Variants in C7 observed in about 807,000 individuals in gnomAD.
C7 encodes complement component C7.
In C7, 83 loss-of-function variants were observed where a neutral mutation model predicts 104.8. The observed-to-expected ratio is 0.79, with a 90% CI of 0.66 to 0.95. The LOEUF (loss-of-function observed/expected upper bound fraction) is 0.95. Among genes scored for constraint, C7 ranks in the 40% least tolerant of loss-of-function variants. The probability of loss-of-function intolerance (pLI) is 0.00; values close to 1 mark genes in which losing one functional copy is unlikely to be tolerated. For synonymous variants in C7, 415 were observed against 360.6 expected (o/e 1.15, Z -1.71); for missense variants, 1,070 against 1,011.2 (o/e 1.06, Z -0.79).
At position 40,979,782 on chromosome 5, in the gene C7, A is replaced by T; in HGVS notation, c.2223A>T (p.Thr741=). 6.2e-7 allele frequency: 1 copy of T among 1,613,750 alleles called. No individual in the cohort carries two copies. Among genetic ancestry groups the T allele is most frequent in the Non-Finnish European group, 8.5e-7 (1 of 1,179,710 alleles). ...GAAGCAAAAGGATACTGCCTCTGAC[A>T]GTTTGCAAGATGCATGTTCTCCACT... is the stretch of plus-strand genomic sequence containing the variant. ...DERSKRILPL[T]VCKMHVLHCQ... is the part of the protein sequence containing the mutation. Residue 741 remains threonine, a synonymous_variant, in exon 17 of 18, where the codon ACA becomes ACT. Coordinates refer to ENST00000313164, the MANE Select transcript of C7 (RefSeq NM_000587.4).
At chr5:40,941,832 A>G (rs1313696198) in intron 6 of C7, among the ~76,000 whole-genome samples, 4 of 152,216 alleles carry the variant, frequency 2.6e-5, no homozygotes, top group Admixed American at 1.3e-4. Flanking sequence ...AGTGCTCAGG[A>G]GAAAGTGTTT....
At chr5:40,937,476 T>G (rs1398920791) in intron 5 of C7, 76 bp from the exon 6 acceptor site, 5 of 1,483,644 alleles carry the variant, frequency 3.4e-6, no homozygotes, top group Non-Finnish European at 4.5e-6. Flanking sequence ...GTAATAAACT[T>G]TTTTCCCCAC....
chr5:40,968,652 C>A (rs1200297962), intron 14 of C7, among the ~76,000 whole-genome samples: 8 of 111,974 alleles, frequency 7.1e-5, no homozygotes, highest in Admixed American at 1.2e-4. Context: ...ACTCCTGTCA[C>A]CCATGCTGAA....
Position 40,928,364 on chromosome 5 carries a change from T to A in C7, c.7-216T>A, listed in dbSNP as rs547623953. Among the ~76,000 whole-genome samples the A allele has an allele frequency of 1.3e-5, 2 of 152,274 alleles. 1 individual carries two copies. Among genetic ancestry groups the A allele is most frequent in the East Asian group, 3.9e-4 (2 of 5,184 alleles). On this transcript the variant is annotated intron_variant, in intron 1 of 17. Coordinates refer to ENST00000313164, the MANE Select transcript of C7 (RefSeq NM_000587.4). ...AATTGGGGTATCATACATTTCAAAA[T>A]TGCCAAAAGTAAATTTCAAATTTCT...
chr5:40,932,038 G>A (rs1739695986), intron 3 of C7, among the ~76,000 whole-genome samples: 1 of 152,186 alleles, frequency 6.6e-6, no homozygotes, highest in Non-Finnish European at 1.5e-5. Flanking sequence ...GATTACAGGT[G>A]TGAGCCACTG....
chr5:40,967,563 G>T, intron 14 of C7: 1 of 165,624 alleles, frequency 6.0e-6, no homozygotes. Flanking sequence ...CTTCTACACA[G>T]GTCTAAGCAA....
rs1741023404 is a variant in C7 at position 40,984,546 on chromosome 5, T to C, written c.*2973T>C. On this transcript the variant is annotated 3_prime_UTR_variant, in exon 18 of 18. Coordinates refer to ENST00000313164, the MANE Select transcript of C7 (RefSeq NM_000587.4). ...AAACAGCCTAGTATGTGTCCATTTA[T>C]GTGCCCGGCTTATTATGTGTCCACT... Among the ~76,000 whole-genome samples the C allele has an allele frequency of 6.6e-6, 1 of 152,234 alleles. No individual in the cohort carries two copies. Among genetic ancestry groups the C allele is most frequent in the South Asian group, 2.1e-4 (1 of 4,832 alleles).
At position 40,957,106 on chromosome 5, in the gene C7, T is replaced by C. The variant is rs115283631; in HGVS notation, c.1261-927T>C. On this transcript the variant is annotated intron_variant, in intron 10 of 17. Transcript: ENST00000313164. Reference sequence around the variant, plus strand: ...AACAGCTTGGGCTCTCAGGAACCAATGGTGCATATCTCTTCCCAGTTCAGG... The same window carrying C: ...AACAGCTTGGGCTCTCAGGAACCAACGGTGCATATCTCTTCCCAGTTCAGG... Among the ~76,000 whole-genome samples, 1,476 of 152,318 alleles carry C rather than the reference T, an allele frequency of 9.7e-3. 22 individuals carry two copies. The highest frequency in any genetic ancestry group is 0.034 in the African/African-American group (1,421 of 41,572).
At chr5:40,977,360 G>A (rs1740841787) in intron 16 of C7, among the ~76,000 whole-genome samples, 1 of 152,156 alleles carries the variant, frequency 6.6e-6, no homozygotes, top group Non-Finnish European at 1.5e-5. Flanking sequence ...GATAGAGATG[G>A]CACAATTAAA....
chr5:40,928,122 T>C (rs1258491571), intron 1 of C7, among the ~76,000 whole-genome samples: 1 of 152,114 alleles, frequency 6.6e-6, no homozygotes, highest in African/African-American at 2.4e-5. Flanking sequence ...ATAGATGGAA[T>C]TGGAAAACAT....
chr5:40,933,374 G>A (rs766389857), intron 3 of C7, among the ~76,000 whole-genome samples: 5 of 152,160 alleles, frequency 3.3e-5, no homozygotes, highest in Admixed American at 1.3e-4. Context: ...GTTTGTTAAT[G>A]GAGAAGAGGT....
intron 1 of C7, among the ~76,000 whole-genome samples, chr5:40,926,786 A>C (rs912917486): frequency 6.6e-6 from 1 of 152,214 alleles, no homozygotes; most frequent in African/African-American, 2.4e-5. Flanking sequence ...TCCCTTGTTC[A>C]TGGATTAGAA....
At chr5:40,961,744 G>A (rs572533336) in intron 12 of C7, among the ~76,000 whole-genome samples, 1 of 152,060 alleles carries the variant, frequency 6.6e-6, no homozygotes, top group South Asian at 2.1e-4. Context: ...AGAACCAAAC[G>A]GCAAGAGGAA....
chr5:40,913,239 T>C (rs1446592298), intron 1 of C7, among the ~76,000 whole-genome samples: 1 of 152,222 alleles, frequency 6.6e-6, no homozygotes, highest in Non-Finnish European at 1.5e-5. Context: ...ATCTTTGCTA[T>C]TGTGAATAGT....
In C7 at chr5:40,958,069, T is replaced by C. The variant is rs764830499; in HGVS notation, c.1297T>C (p.Cys433Arg). ...ATATGAGCTGGTAAAGGAAGTACCT[T>C]GTGCCTCTGTGAAAAAACTATACCT... ...PLYELVKEVP[C>R]ASVKKLYLKW... Residue 433 changes from cysteine to arginine, a missense_variant, in exon 11 of 18, where the codon TGT becomes CGT. By Grantham distance (180) the Cys-to-Arg change is radical. Transcript: ENST00000313164. The C allele has an allele frequency of 6.2e-7, 1 of 1,613,730 alleles. No individual in the cohort carries two copies. Among genetic ancestry groups the C allele is most frequent in the Non-Finnish European group, 8.5e-7 (1 of 1,179,684 alleles).
chr5:40,946,070 T>A (rs889128317), intron 7 of C7, among the ~76,000 whole-genome samples: 2 of 151,736 alleles, frequency 1.3e-5, no homozygotes, highest in African/African-American at 4.8e-5. Context: ...CATATACAAT[T>A]TTAAAAAATC....
At chr5:40,913,710 T>C (rs111242573) in intron 1 of C7, among the ~76,000 whole-genome samples, 6,143 of 152,142 alleles carry the variant, frequency 0.04, 431 homozygotes, top group African/African-American at 0.14. Context: ...GATGGAGTCT[T>C]GCTCTGTCAC....
At chr5:40,919,342 C>T (rs1739393017) in intron 1 of C7, among the ~76,000 whole-genome samples, 4 of 152,060 alleles carry the variant, frequency 2.6e-5, no homozygotes, top group Admixed American at 2.6e-4. Flanking sequence ...CCAGGCTGGA[C>T]TCAAACTCCT....
chr5:40,925,119 G>C (rs1180968834), intron 1 of C7, among the ~76,000 whole-genome samples: 2 of 151,854 alleles, frequency 1.3e-5, no homozygotes, highest in African/African-American at 4.8e-5. Flanking sequence ...TCAAACTTTT[G>C]TACTCTGCTT....
Sources: gnomAD v4.1 joint callset for allele counts (sites outside exome capture counted in the v4.1 genomes callset) on GRCh38, gnomAD v4.1.1 for gene constraint, MANE v1.5 for transcripts, NCBI Gene and HGNC (gene_info 2026-07-23, HGNC 2026-07-21) for gene names.